MAD1L1: variants seen among roughly 807,000 people sequenced by gnomAD.
The protein encoded by MAD1L1 is mitotic spindle assembly checkpoint protein MAD1.
Under a neutral mutation model 96.9 loss-of-function variants are expected in MAD1L1, and 95 were observed. That is an observed-to-expected ratio of 0.98 (90% CI 0.83 to 1.16). MAD1L1 has a LOEUF of 1.16. Among genes scored for constraint, MAD1L1 ranks in the 50% most tolerant of loss-of-function variants. The probability of loss-of-function intolerance (pLI) is 0.00; values close to 1 mark genes in which losing one functional copy is unlikely to be tolerated. For synonymous variants in MAD1L1, 473 were observed against 396.6 expected (o/e 1.19, Z -2.29); for missense variants, 1,007 against 954.4 (o/e 1.06, Z -0.73).
At chr7:2,145,979 C>G (rs529420651) in intron 11 of MAD1L1, among the ~76,000 whole-genome samples, 1 of 152,186 alleles carries the variant, frequency 6.6e-6, no homozygotes, top group Non-Finnish European at 1.5e-5. Flanking sequence ...GTGGGAAGGG[C>G]GCTCTGTTCC....
At chr7:1,965,403 C>G (rs1780121766) in intron 15 of MAD1L1, among the ~76,000 whole-genome samples, 1 of 152,212 alleles carries the variant, frequency 6.6e-6, no homozygotes, top group Admixed American at 6.5e-5. Context: ...TGGACACGTG[C>G]CCGGCTCTGG....
chr7:2,183,618 T>A (rs1791309133), intron 10 of MAD1L1, among the ~76,000 whole-genome samples: 1 of 152,168 alleles, frequency 6.6e-6, no homozygotes. Context: ...TGGATGAAGC[T>A]GGAGACTATC....
At position 2,230,373 on chromosome 7, in the gene MAD1L1, C is replaced by G. The variant is rs1794132420; in HGVS notation, c.-11+176G>C. 8.8e-6 allele frequency: 4 copies of G among 456,742 alleles called. No homozygotes were observed. The South Asian group carries it at 9.4e-5, about 11-fold the overall frequency. 28.3% of individuals were successfully genotyped at this position (456,742 alleles called of 1,614,324 possible). A position where few individuals can be genotyped will look rare whatever the true frequency, so the allele number is the denominator to read the frequency against. Reference sequence around the variant, plus strand: ...CCACCAAATCCCCACCAGCAAGCCACCAATTGAGTCTCAGTTGCACATGGA... The same window carrying G: ...CCACCAAATCCCCACCAGCAAGCCAGCAATTGAGTCTCAGTTGCACATGGA... On this transcript the variant is annotated intron_variant, in intron 2 of 18. Coordinates refer to ENST00000265854, the MANE Select transcript of MAD1L1 (RefSeq NM_001013836.2).
At chr7:1,929,009 A>G (rs1156297930) in intron 17 of MAD1L1, among the ~76,000 whole-genome samples, 3 of 152,186 alleles carry the variant, frequency 2.0e-5, no homozygotes, top group Non-Finnish European at 4.4e-5. Context: ...CACAGGACGC[A>G]ACAGAAAGGC....
chr7:2,202,084 A>G (rs902360401), intron 10 of MAD1L1: 1 of 152,610 alleles, frequency 6.6e-6, no homozygotes, highest in Non-Finnish European at 1.5e-5. Context: ...GGCTCCGCCC[A>G]TACATCACCA....
intron 11 of MAD1L1, among the ~76,000 whole-genome samples, chr7:2,105,062 C>T (rs1417788373): frequency 1.3e-5 from 2 of 152,174 alleles, no homozygotes; most frequent in South Asian, 2.1e-4. Flanking sequence ...CCCCAGGGGC[C>T]GGACACCGCA....
chr7:2,009,282 T>C (rs1239542124), intron 13 of MAD1L1, among the ~76,000 whole-genome samples: 1 of 152,010 alleles, frequency 6.6e-6, no homozygotes, highest in African/African-American at 2.4e-5. Flanking sequence ...TGGCAGAAAA[T>C]GGCTAGGACA....
At chr7:1,957,521 G>T in intron 16 of MAD1L1, 108 bp downstream of exon 16, 1 of 1,088,718 alleles carries the variant, frequency 9.2e-7, no homozygotes, top group Non-Finnish European at 1.4e-6. Flanking sequence ...TCAGACAGAC[G>T]AGCCAGAAAA....
intron 18 of MAD1L1, among the ~76,000 whole-genome samples, chr7:1,836,480 GC>G (rs1409104669): frequency 6.6e-6 from 1 of 152,214 alleles, no homozygotes; most frequent in Non-Finnish European, 1.5e-5. Flanking sequence ...TGGGAAAGCA[GC>G]CCTGTAGGTC....
chr7:1,836,384 A>G (rs2128629836), intron 18 of MAD1L1, among the ~76,000 whole-genome samples: 1 of 152,158 alleles, frequency 6.6e-6, no homozygotes, highest in Middle Eastern at 3.4e-3. Flanking sequence ...CTTTACTGCA[A>G]CCTGTTTTAT....
chr7:2,165,532 T>C (rs1003680703), intron 10 of MAD1L1, among the ~76,000 whole-genome samples: 1 of 114,926 alleles, frequency 8.7e-6, no homozygotes, highest in African/African-American at 3.4e-5. Flanking sequence ...AGGACCACCC[T>C]CTGCAGAGCG....
intron 10 of MAD1L1, among the ~76,000 whole-genome samples, chr7:2,161,629 T>A (rs1385525391): frequency 6.7e-6 from 1 of 150,224 alleles, no homozygotes; most frequent in African/African-American, 2.5e-5. Context: ...GGAGCGCCTC[T>A]TCCCGGCCGA....
intron 10 of MAD1L1, among the ~76,000 whole-genome samples, chr7:2,168,522 G>A (rs1229709009): frequency 1.3e-5 from 2 of 152,346 alleles, no homozygotes; most frequent in South Asian, 2.1e-4. Context: ...CTGGTCCCTG[G>A]CCTGCTGTGT....
At chr7:1,955,673 C>T (rs760993713) in intron 16 of MAD1L1, among the ~76,000 whole-genome samples, 10 of 152,144 alleles carry the variant, frequency 6.6e-5, no homozygotes, top group Non-Finnish European at 1.5e-4. Flanking sequence ...AGCCATTTAT[C>T]CCCTAGTGCG....
chr7:2,018,263 A>C (rs1443866107), intron 12 of MAD1L1, among the ~76,000 whole-genome samples: 2 of 152,224 alleles, frequency 1.3e-5, no homozygotes, highest in Non-Finnish European at 2.9e-5. Flanking sequence ...ACACTCAACC[A>C]CACAGGAGAG....
At chr7:2,186,570 T>C (rs1005067270) in intron 10 of MAD1L1, among the ~76,000 whole-genome samples, 3 of 152,240 alleles carry the variant, frequency 2.0e-5, no homozygotes, top group Admixed American at 6.5e-5. Flanking sequence ...AGTTTCACTT[T>C]AATTCTGTAC....
rs544843732 is a variant in MAD1L1, at chr7:2,060,486, G to A, written c.1218+8708C>T. Among the ~76,000 whole-genome samples, 27 of 151,064 alleles carry A rather than the reference G, an allele frequency of 1.8e-4. No homozygotes were observed. The South Asian group carries it at 5.3e-3, about 29-fold the overall frequency. On this transcript the variant is annotated intron_variant, in intron 12 of 18. Coordinates refer to ENST00000265854, the MANE Select transcript of MAD1L1 (RefSeq NM_001013836.2). ...GCTGATGTCGAGATATGCCAATATC[G>A]AGATAATGCCGAGACCGAGATAACG...
intron 10 of MAD1L1, among the ~76,000 whole-genome samples, chr7:2,167,552 AAATAAT>A (rs143994964): frequency 2.1e-4 from 32 of 150,672 alleles, no homozygotes; most frequent in East Asian, 3.9e-4. Flanking sequence ...CCGTCTCAAA[AAATAAT>A]AATAATAATA....
chr7:1,851,451 C>T (rs557046269), intron 18 of MAD1L1, among the ~76,000 whole-genome samples: 11 of 152,280 alleles, frequency 7.2e-5, no homozygotes, highest in African/African-American at 2.4e-4. Context: ...GGATGAGAGG[C>T]GTCCCCAGCA....
Sources: gnomAD v4.1 joint callset for allele counts (sites outside exome capture counted in the v4.1 genomes callset) on GRCh38, gnomAD v4.1.1 for gene constraint, MANE v1.5 for transcripts, NCBI Gene and HGNC (gene_info 2026-07-23, HGNC 2026-07-21) for gene names.